The following NTM variants were observed in gnomAD, a reference collection of about 807,000 sequenced individuals.
The protein encoded by NTM is neurotrimin.
In NTM, 13 loss-of-function variants were observed where a neutral mutation model predicts 42.1. The observed-to-expected ratio is 0.31, with a 90% CI of 0.20 to 0.49. The LOEUF is 0.49. Among genes scored for constraint, NTM ranks in the 20% least tolerant of loss-of-function variants. NTM has a pLI of 0.99. For synonymous variants in NTM, 187 were observed against 179.2 expected, an observed-to-expected ratio of 1.04 and a Z score of -0.35; for missense variants, 373 against 452.8, an observed-to-expected ratio of 0.82 and a Z score of 1.60.
rs183639541 is a variant in NTM, at chr11:131,743,108, A to G, written c.83-168456A>G. 3.8e-3 allele frequency among the ~76,000 whole-genome samples: 575 copies of G among 152,320 alleles called. 2 individuals are homozygous for G. Among genetic ancestry groups the G allele is most frequent in the Middle Eastern group, 0.02 (6 of 294 alleles). ...ATTTTTCTCTCTCATAATGTATGCC[A>G]TTGTCTCAACAAAAGTTGGGACTTT... On this transcript the variant is annotated intron_variant, in intron 1 of 8. Coordinates refer to ENST00000683400, the MANE Select transcript of NTM (RefSeq NM_001352005.2).
chr11:131,782,145 A>C (rs12293068), intron 1 of NTM, among the ~76,000 whole-genome samples: 42,226 of 152,040 alleles, frequency 0.28, 6,012 homozygotes, highest in Non-Finnish European at 0.31. Context: ...AATAAATCCC[A>C]AAAGACTGCT....
At chr11:132,302,846 C>T (rs190659385) in intron 4 of NTM, among the ~76,000 whole-genome samples, 6 of 152,232 alleles carry the variant, frequency 3.9e-5, no homozygotes. Flanking sequence ...TTCAGTTTCC[C>T]ACAAGAAAAA....
chr11:131,714,963 T>C (rs2077536323), intron 1 of NTM, among the ~76,000 whole-genome samples: 1 of 152,326 alleles, frequency 6.6e-6, no homozygotes, highest in South Asian at 2.1e-4. Context: ...CAAGCCAAAG[T>C]GGTCATACAG....
At chr11:132,030,365 C>G (rs969246882) in intron 2 of NTM, among the ~76,000 whole-genome samples, 4 of 152,164 alleles carry the variant, frequency 2.6e-5, no homozygotes, top group African/African-American at 9.7e-5. Flanking sequence ...TTAGGAAACC[C>G]AAACCAAAAC....
At chr11:131,739,811 G>T (rs11222761) in intron 1 of NTM, among the ~76,000 whole-genome samples, 24,191 of 152,172 alleles carry the variant, frequency 0.16, 2,212 homozygotes, top group East Asian at 0.3. Context: ...GAAGTGCTGC[G>T]TTCTCTTCGC....
At chr11:132,153,318 T>C (rs1020723231) in intron 3 of NTM, among the ~76,000 whole-genome samples, 5 of 152,224 alleles carry the variant, frequency 3.3e-5, no homozygotes, top group Non-Finnish European at 5.9e-5. Flanking sequence ...TTTTTCAAGA[T>C]GTATGCCTTT....
At chr11:131,807,775 A>G (rs1199388182) in intron 1 of NTM, among the ~76,000 whole-genome samples, 1 of 152,080 alleles carries the variant, frequency 6.6e-6, no homozygotes, top group East Asian at 1.9e-4. Context: ...TATTGCTTGT[A>G]TTGTATCTTC....
intron 1 of NTM, among the ~76,000 whole-genome samples, chr11:131,586,947 T>A (rs1008945292): frequency 6.6e-6 from 1 of 152,076 alleles, no homozygotes; most frequent in African/African-American, 2.4e-5. Context: ...ATCTACTATA[T>A]CAAATTAATT....
intron 1 of NTM, among the ~76,000 whole-genome samples, chr11:131,478,069 A>T (rs1565543537): frequency 6.6e-6 from 1 of 152,188 alleles, no homozygotes. Context: ...CTTCTTAAAG[A>T]AACAAATTCA....
intron 1 of NTM, among the ~76,000 whole-genome samples, chr11:131,810,028 A>C (rs2092674138): frequency 6.6e-6 from 1 of 152,236 alleles, no homozygotes; most frequent in Admixed American, 6.5e-5. Context: ...TCTGTGACAC[A>C]GATTTATCGA....
In NTM at chr11:131,669,184, A is replaced by AAG. The variant is rs149747833; in HGVS notation, c.83-242360_83-242359dup. ...TTTAACTAGAAGTTTCCCCCATCCA[A>AAG]AGAGAGAGAGAGAGAGAGAGAACAA... On this transcript the variant is annotated intron_variant, in intron 1 of 8. Coordinates refer to ENST00000683400, the MANE Select transcript of NTM (RefSeq NM_001352005.2). Among the ~76,000 whole-genome samples, 1,382 of 149,814 alleles carry AAG rather than the reference A, an allele frequency of 9.2e-3. 18 individuals carry two copies. The highest frequency in any genetic ancestry group is 0.021 in the South Asian group (101 of 4,758).
At chr11:131,608,195 C>T (rs1377918532) in intron 1 of NTM, among the ~76,000 whole-genome samples, 1 of 152,164 alleles carries the variant, frequency 6.6e-6, no homozygotes, top group African/African-American at 2.4e-5. Flanking sequence ...TGGTTTCCAG[C>T]TTCATCCATG....
chr11:131,480,832 G>A (rs551554546), intron 1 of NTM, among the ~76,000 whole-genome samples: 216 of 152,232 alleles, frequency 1.4e-3, no homozygotes, highest in African/African-American at 5.1e-3. Context: ...ATCCCCTGAA[G>A]CTTCTTTTCA....
intron 2 of NTM, among the ~76,000 whole-genome samples, chr11:131,938,767 G>A (rs372861219): frequency 3.3e-5 from 5 of 152,080 alleles, no homozygotes; most frequent in East Asian, 1.9e-4. Context: ...TAGAAACAGC[G>A]TGTACATATA....
rs532646593 is a variant in NTM at position 132,108,810 on chromosome 11, T to C, written c.168-37472T>C. On this transcript the variant is annotated intron_variant, in intron 2 of 8. Transcript: ENST00000683400. ...ATTGTGGTTTGCTGCACCCATCAAC[T>C]CATCATCTACGTTAGATATTTCTCC... Among the ~76,000 whole-genome samples the C allele has an allele frequency of 1.7e-4, 26 of 152,312 alleles. 1 individual carries two copies. In the East Asian group the frequency reaches 5.0e-3, roughly 29 times the overall value.
At chr11:131,414,764 C>A (rs1392198242) in intron 1 of NTM, among the ~76,000 whole-genome samples, 1 of 152,204 alleles carries the variant, frequency 6.6e-6, no homozygotes, top group African/African-American at 2.4e-5. Flanking sequence ...CTGCCTATTT[C>A]TTCATTTACA....
intron 2 of NTM, among the ~76,000 whole-genome samples, chr11:132,104,921 C>T (rs1362187118): frequency 2.5e-5 from 3 of 121,432 alleles, no homozygotes; most frequent in East Asian, 2.4e-4. Context: ...CTCTCTCTCT[C>T]TCCATATATA....
Position 132,223,443 on chromosome 11 carries a change from G to A in NTM, c.526+11296G>A, listed in dbSNP as rs538489609. Among the ~76,000 whole-genome samples the A allele has an allele frequency of 7.9e-5, 12 of 152,208 alleles. No homozygotes were observed. The South Asian group carries it at 1.5e-3, about 18-fold the overall frequency. ...AGGCGGACTGACATTTGCATAGCTC[G>A]GCAGGAGTACTCCTGGCAGGGTTCA... On this transcript the variant is annotated intron_variant, in intron 4 of 8. Transcript: ENST00000683400.
At chr11:132,307,203 C>A (rs936867131) in intron 4 of NTM, among the ~76,000 whole-genome samples, 2 of 152,036 alleles carry the variant, frequency 1.3e-5, no homozygotes, top group Non-Finnish European at 2.9e-5. Context: ...GTTTCTGCTA[C>A]CTTTGTGATG....
Sources: allele counts gnomAD v4.1 joint callset (sites outside exome capture counted in the v4.1 genomes callset), GRCh38; gene constraint gnomAD v4.1.1; transcripts MANE v1.5; gene names NCBI Gene and HGNC (gene_info 2026-07-23, HGNC 2026-07-21).